The following PCSK6 variants were observed in gnomAD, a reference collection of about 807,000 sequenced individuals.
PCSK6 encodes paired basic amino acid cleaving enzyme 4.
In PCSK6, 85 loss-of-function variants were observed where a neutral mutation model predicts 123.3. The ratio of observed to expected loss-of-function variants is 0.69; its 90% CI spans 0.58 to 0.83. The LOEUF (loss-of-function observed/expected upper bound fraction) is 0.83. Among genes scored for constraint, PCSK6 ranks in the 40% least tolerant of loss-of-function variants. The probability of loss-of-function intolerance (pLI) is 0.00; values close to 1 mark genes in which losing one functional copy is unlikely to be tolerated. For missense variants in PCSK6, 1,191 were observed against 1,282.3 expected, an observed-to-expected ratio of 0.93 and a Z score of 1.09; for synonymous variants, 508 against 516.0, an observed-to-expected ratio of 0.98 and a Z score of 0.21.
chr15:101,427,964 C>T lies in PCSK6; in HGVS notation c.751G>A (p.Ala251Thr). The T allele has an allele frequency of 6.3e-7, 1 of 1,580,080 alleles. No individual in the cohort carries two copies. The highest frequency in any genetic ancestry group is 8.6e-7 in the Non-Finnish European group (1 of 1,162,576). ...TTTGCTGAAGCAGCAACTTCTCCCGCACAACGAGTGCCGTGTCTGAAACAA... is the reference window on the plus strand; with the variant it reads ...TTTGCTGAAGCAGCAACTTCTCCCGTACAACGAGTGCCGTGTCTGAAACAA... ...SNENKHGTRC[A>T]GEVAASANNS... The change falls in exon 6 of 22, where the codon GCG (alanine) becomes ACG (threonine). Residue 251 changes from alanine (A) to threonine (T), a missense_variant. Coordinates refer to ENST00000611716, the MANE Select transcript of PCSK6 (RefSeq NM_002570.5).
At chr15:101,372,776 A>T (rs2041623823) in intron 11 of PCSK6, among the ~76,000 whole-genome samples, 1 of 152,180 alleles carries the variant, frequency 6.6e-6, no homozygotes, top group South Asian at 2.1e-4. Context: ...AACCAGGAAT[A>T]ACCCTACACT....
chr15:101,466,382 A>T (rs1465140968), intron 1 of PCSK6, among the ~76,000 whole-genome samples: 1 of 152,174 alleles, frequency 6.6e-6, no homozygotes, highest in Non-Finnish European at 1.5e-5. Context: ...ATGTGGTGAC[A>T]CTGGAACCCT....
chr15:101,376,507 G>A (rs1030277126), intron 11 of PCSK6, among the ~76,000 whole-genome samples: 3 of 152,202 alleles, frequency 2.0e-5, no homozygotes, highest in Non-Finnish European at 4.4e-5. Flanking sequence ...TATATGGACA[G>A]GCTGGCAAAA....
At chr15:101,481,997 C>G (rs537763001) in intron 1 of PCSK6, among the ~76,000 whole-genome samples, 58 of 152,320 alleles carry the variant, frequency 3.8e-4, no homozygotes, top group African/African-American at 1.3e-3. Flanking sequence ...TGCGCGTTCA[C>G]GCACACGCAT....
intron 6 of PCSK6, among the ~76,000 whole-genome samples, chr15:101,406,915 C>A (rs897823460): frequency 6.6e-6 from 1 of 152,342 alleles, no homozygotes; most frequent in South Asian, 2.1e-4. Context: ...CTGCATGCAG[C>A]CCTGGATCCA....
At chr15:101,456,146 T>G (rs1438318398) in intron 1 of PCSK6, among the ~76,000 whole-genome samples, 3 of 152,250 alleles carry the variant, frequency 2.0e-5, no homozygotes, top group Non-Finnish European at 1.5e-5. Flanking sequence ...TCAGCAGCAC[T>G]AATTTACAGA....
chr15:101,329,553 G>A (rs2040331320), intron 15 of PCSK6, among the ~76,000 whole-genome samples: 1 of 152,226 alleles, frequency 6.6e-6, no homozygotes, highest in Admixed American at 6.5e-5. Context: ...TGAGCCTGTC[G>A]AGTAAGCACG....
chr15:101,325,153 A>C (rs2141359920), intron 16 of PCSK6, 107 bp from the exon 17 acceptor site: 2 of 729,016 alleles, frequency 2.7e-6, no homozygotes, highest in Non-Finnish European at 4.4e-6. Context: ...AGTGAATGTC[A>C]AACATGATGC....
intron 6 of PCSK6, among the ~76,000 whole-genome samples, chr15:101,425,051 G>C (rs867768015): frequency 2.0e-5 from 3 of 152,142 alleles, no homozygotes; most frequent in Non-Finnish European, 4.4e-5. Context: ...GAGCCCCAGG[G>C]GTGGCAGAGC....
At chr15:101,413,794 C>CA (rs1305774885) in intron 6 of PCSK6, among the ~76,000 whole-genome samples, 2 of 152,134 alleles carry the variant, frequency 1.3e-5, no homozygotes, top group African/African-American at 4.8e-5. Context: ...AAAACATTCA[C>CA]AGGTACCTCT....
At chr15:101,452,871 TA>T (rs922623136) in intron 1 of PCSK6, among the ~76,000 whole-genome samples, 3 of 152,188 alleles carry the variant, frequency 2.0e-5, no homozygotes, top group Non-Finnish European at 4.4e-5. Context: ...AGTCCTTGTT[TA>T]TGCAAAGGAC....
chr15:101,436,717 C>T (rs1264837095), intron 2 of PCSK6, among the ~76,000 whole-genome samples: 4 of 152,198 alleles, frequency 2.6e-5, no homozygotes, highest in East Asian at 1.9e-4. Context: ...GGGCTGGGAC[C>T]GGTCCCTCTC....
intron 13 of PCSK6, among the ~76,000 whole-genome samples, chr15:101,362,257 A>C (rs2041253430): frequency 6.6e-6 from 1 of 152,164 alleles, no homozygotes. Flanking sequence ...TGCCCAGCCC[A>C]AAGCTATTTA....
At chr15:101,403,397 T>C (rs1054375599) in intron 6 of PCSK6, among the ~76,000 whole-genome samples, 1 of 148,208 alleles carries the variant, frequency 6.7e-6, no homozygotes, top group Non-Finnish European at 1.5e-5. Context: ...ATTGTGCACA[T>C]GTACCCTAAA....
chr15:101,475,514 C>T (rs953005146), intron 1 of PCSK6, among the ~76,000 whole-genome samples: 12 of 152,154 alleles, frequency 7.9e-5, no homozygotes, highest in African/African-American at 1.2e-4. Flanking sequence ...GAGACAGGGT[C>T]TCGCTCTGTC....
chr15:101,309,386 C>G (rs778811262), intron 20 of PCSK6, among the ~76,000 whole-genome samples: 2 of 152,226 alleles, frequency 1.3e-5, no homozygotes, highest in Non-Finnish European at 2.9e-5. Context: ...AGCGGGTCCT[C>G]GTGGGCAGCA....
chr15:101,400,165 C>G (rs1298207335), intron 6 of PCSK6, among the ~76,000 whole-genome samples: 2 of 152,204 alleles, frequency 1.3e-5, no homozygotes, highest in Non-Finnish European at 2.9e-5. Context: ...GCTAGGATCA[C>G]AGGTGCACAC....
chr15:101,366,144 A>G (rs2041380446), intron 13 of PCSK6, 52 bp downstream of exon 13: 1 of 1,562,872 alleles, frequency 6.4e-7, no homozygotes, highest in Non-Finnish European at 8.7e-7. Context: ...CCCAGAGGTA[A>G]AAAGAGGCTT....
chr15:101,476,814 A>G (rs893862624), intron 1 of PCSK6, among the ~76,000 whole-genome samples: 3 of 152,250 alleles, frequency 2.0e-5, no homozygotes, highest in East Asian at 1.9e-4. Flanking sequence ...TATGCAATGT[A>G]TAATTTTTTA....
Sources: allele counts gnomAD v4.1 joint callset (sites outside exome capture counted in the v4.1 genomes callset), GRCh38; gene constraint gnomAD v4.1.1; transcripts MANE v1.5; gene names NCBI Gene and HGNC (gene_info 2026-07-23, HGNC 2026-07-21).